Variants in TVP23A observed in about 807,000 individuals in gnomAD.
TVP23A encodes trans-golgi network vesicle protein 23 homolog A.
A neutral mutation model predicts 31.7 loss-of-function variants in TVP23A; 21 were observed. The observed-to-expected ratio is 0.66, with a 90% CI of 0.47 to 0.95. TVP23A has a LOEUF of 0.95. Among genes scored for constraint, TVP23A ranks in the 40% least tolerant of loss-of-function variants. The pLI is 0.00. For missense variants in TVP23A, 279 were observed against 255.6 expected, an observed-to-expected ratio of 1.09 and a Z score of -0.62; for synonymous variants, 104 against 96.0, an observed-to-expected ratio of 1.08 and a Z score of -0.49.
intron 2 of TVP23A, among the ~76,000 whole-genome samples, chr16:10,784,554 T>C (rs903127699): frequency 1.4e-5 from 2 of 146,146 alleles, no homozygotes; most frequent in Admixed American, 6.8e-5. Flanking sequence ...GAGCAAGACC[T>C]TGTCTCAAAA....
rs1386978945 is a variant in TVP23A, at chr16:10,769,024, A to C, written c.*78T>G. Reference sequence around the variant, plus strand: ...GGGGTAGACAAGCCATTAGCACTCTATGCCTGTCGTCTTGTTTTCCAGGAA... The same window carrying C: ...GGGGTAGACAAGCCATTAGCACTCTCTGCCTGTCGTCTTGTTTTCCAGGAA... On this transcript the variant is annotated 3_prime_UTR_variant, in exon 8 of 8. Transcript: ENST00000299866. 1.9e-6 allele frequency: 3 copies of C among 1,613,042 alleles called. No individual in the cohort carries two copies. In the East Asian group the frequency reaches 6.7e-5, roughly 36 times the overall value.
chr16:10,775,680 A>AGTG, intron 2 of TVP23A: 3 of 321,034 alleles, frequency 9.3e-6, no homozygotes, highest in Non-Finnish European at 1.4e-5. Flanking sequence ...CTTTAGACAC[A>AGTG]AACCTGGCCA....
chr16:10,796,684 C>T (rs182918586), intron 2 of TVP23A, among the ~76,000 whole-genome samples: 47 of 152,212 alleles, frequency 3.1e-4, no homozygotes, highest in African/African-American at 1.0e-3. Flanking sequence ...GTGATCAGCC[C>T]GCCTCAGACT....
At chr16:10,801,970 G>A (rs1792380720) in intron 2 of TVP23A, among the ~76,000 whole-genome samples, 1 of 151,814 alleles carries the variant, frequency 6.6e-6, no homozygotes, top group African/African-American at 2.4e-5. Flanking sequence ...TAGGAGCCCT[G>A]GCGCAATATA....
intron 3 of TVP23A, 110 bp from the exon 4 acceptor site, chr16:10,774,238 G>C (rs1411547472): frequency 1.4e-6 from 1 of 695,982 alleles, no homozygotes; most frequent in Non-Finnish European, 2.3e-6. Context: ...CTGGGAGCAG[G>C]AAGAAAAAAG....
At chr16:10,806,134 G>T (rs2033931912) in intron 2 of TVP23A, among the ~76,000 whole-genome samples, 1 of 152,188 alleles carries the variant, frequency 6.6e-6, no homozygotes, top group Non-Finnish European at 1.5e-5. Flanking sequence ...CTGGAGGTCA[G>T]GAGTTTGAGA....
At chr16:10,769,337 A>C in intron 7 of TVP23A, 2 of 451,360 alleles carry the variant, frequency 4.4e-6, no homozygotes, top group African/African-American at 2.0e-5. Context: ...TAAGAATAAA[A>C]CCCCCTCAAA....
At chr16:10,760,125 T>C (rs1235364127), downstream of TVP23A, among the ~76,000 whole-genome samples, 1 of 152,270 alleles carries the variant, frequency 6.6e-6, no homozygotes, top group Admixed American at 6.5e-5. Context: ...TTGGGCAGTA[T>C]TCCTTATTTC....
Position 10,768,081 on chromosome 16 carries a change from C to T in TVP23A, c.*1021G>A, listed in dbSNP as rs764774759. ...ATGCAGATGCCTGTGGGGCAGGAAG[C>T]AACATAAAGGAGCCAGGGGTGTGGA... On this transcript the variant is annotated 3_prime_UTR_variant, in exon 8 of 8. Coordinates refer to ENST00000299866, the MANE Select transcript of TVP23A (RefSeq NM_001079512.4). This position sits in a 1 kb window ranked among gnomAD's most constrained non-coding sequence, Gnocchi z 4.3. The T allele has an allele frequency of 7.0e-6, 11 of 1,572,172 alleles. 1 individual carries two copies. In the East Asian group the frequency reaches 2.5e-4, roughly 35 times the overall value.
chr16:10,767,430 G>C lies in TVP23A; in HGVS notation c.*1672C>G, dbSNP rs2031055995. On this transcript the variant is annotated 3_prime_UTR_variant, in exon 8 of 8. Coordinates refer to ENST00000299866, the MANE Select transcript of TVP23A (RefSeq NM_001079512.4). The surrounding 1 kb of genome is among the most constrained non-coding windows in gnomAD (Gnocchi z 4.6). ...AGACAAAGCAGCAGGCAGAATGTGT[G>C]TGTCATGTGCTCCCATTCGTATTTT... 1 of 400,088 alleles carries C rather than the reference G, an allele frequency of 2.5e-6. No individual in the cohort carries two copies. The highest frequency in any genetic ancestry group is 2.1e-5 in the African/African-American group (1 of 48,636). 24.8% of individuals were successfully genotyped at this position (400,088 alleles called of 1,614,324 possible).
At chr16:10,764,251 G>A (rs1596473224), downstream of TVP23A, among the ~76,000 whole-genome samples, 3 of 152,396 alleles carry the variant, frequency 2.0e-5, no homozygotes, top group Admixed American at 2.0e-4. Context: ...TTAGCCTGCT[G>A]GAGCACCTCA....
chr16:10,804,157 C>G (rs1043155697), intron 2 of TVP23A, among the ~76,000 whole-genome samples: 1 of 152,150 alleles, frequency 6.6e-6, no homozygotes, highest in African/African-American at 2.4e-5. Context: ...TGGGGCTGGC[C>G]TATCCACACA....
downstream of TVP23A, chr16:10,757,810 A>C: frequency 3.9e-6 from 6 of 1,553,598 alleles, no homozygotes; most frequent in South Asian, 7.0e-5. This position sits in a 1 kb window ranked among gnomAD's most constrained non-coding sequence, Gnocchi z 4.1. Context: ...AAAAAAAAAG[A>C]GGGAGTTGAA....
chr16:10,811,254 GAATTATATT>G (rs1206566789), intron 2 of TVP23A, among the ~76,000 whole-genome samples: 7 of 152,034 alleles, frequency 4.6e-5, no homozygotes, highest in Admixed American at 4.6e-4. Flanking sequence ...GGTGGAATGT[GAATTATATT>G]TCTTTTTATT....
intron 5 of TVP23A, 103 bp downstream of exon 5, chr16:10,773,210 A>T: frequency 7.2e-7 from 1 of 1,392,912 alleles, no homozygotes; most frequent in Non-Finnish European, 9.7e-7. Flanking sequence ...ACTTGTTATA[A>T]TTGATCAATC....
chr16:10,804,726 A>G (rs1314801441), intron 2 of TVP23A, among the ~76,000 whole-genome samples: 1 of 152,216 alleles, frequency 6.6e-6, no homozygotes, highest in Admixed American at 6.5e-5. Context: ...AGCCTGCGCC[A>G]CAGAGCTAGA....
At chr16:10,772,448 C>T (rs756503756) in intron 5 of TVP23A, among the ~76,000 whole-genome samples, 4 of 152,180 alleles carry the variant, frequency 2.6e-5, no homozygotes, top group Non-Finnish European at 4.4e-5. Flanking sequence ...TGGCTCACTG[C>T]AACCTCCGCC....
Position 10,775,154 on chromosome 16 carries a change from C to T in TVP23A, c.90-58G>A. ...AAGAGCTAAGCGGATGGTCACTGAA[C>T]TCCCTTTACCACTTCAGACTTTGCT... On this transcript the variant is annotated intron_variant, in intron 2 of 7. Coordinates refer to ENST00000299866, the MANE Select transcript of TVP23A (RefSeq NM_001079512.4). The T allele has an allele frequency of 2.6e-6, 4 of 1,552,034 alleles. No individual in the cohort carries two copies. The South Asian group carries it at 3.6e-5, about 14-fold the overall frequency.
chr16:10,777,559 G>A lies in TVP23A; in HGVS notation c.90-2463C>T, dbSNP rs1204804489. Among the ~76,000 whole-genome samples, 1 of 151,878 alleles carries A rather than the reference G, an allele frequency of 6.6e-6. No individual in the cohort carries two copies. ...ACTGTGGGGCTTCCGACTCCCAGGGGAATGTTAAGATTCAGAAGCAGACTT... is the reference window on the plus strand; with the variant it reads ...ACTGTGGGGCTTCCGACTCCCAGGGAAATGTTAAGATTCAGAAGCAGACTT... On this transcript the variant is annotated intron_variant, in intron 2 of 7. Transcript: ENST00000299866. The surrounding 1 kb of genome is among the most constrained non-coding windows in gnomAD (Gnocchi z 4.5).
Sources: allele counts gnomAD v4.1 joint callset (sites outside exome capture counted in the v4.1 genomes callset), GRCh38; gene constraint gnomAD v4.1.1; non-coding constraint Gnocchi (gnomAD v3.1); transcripts MANE v1.5; gene names NCBI Gene and HGNC (gene_info 2026-07-23, HGNC 2026-07-21).